RBFOX1: variants seen among roughly 807,000 people sequenced by gnomAD.
The protein encoded by RBFOX1 is RNA binding fox-1 homolog 1.
A neutral mutation model predicts 57.7 loss-of-function variants in RBFOX1; 8 were observed. The ratio of observed to expected loss-of-function variants is 0.14; its 90% CI spans 0.08 to 0.25. The LOEUF (loss-of-function observed/expected upper bound fraction) is 0.25. Among genes scored for constraint, RBFOX1 ranks in the 10% least tolerant of loss-of-function variants. The probability of loss-of-function intolerance (pLI) is 1.00; values close to 1 mark genes in which losing one functional copy is unlikely to be tolerated. For synonymous variants in RBFOX1, 326 were observed against 222.4 expected (o/e 1.47, Z -4.15); for missense variants, 611 against 548.5 (o/e 1.11, Z -1.14).
chr16:6,925,369 C>T (rs2075375354), intron 3 of RBFOX1, among the ~76,000 whole-genome samples: 1 of 151,684 alleles, frequency 6.6e-6, no homozygotes, highest in African/African-American at 2.4e-5. Flanking sequence ...AGGCGATCTA[C>T]CTGCCTTGGT....
intron 14 of RBFOX1, among the ~76,000 whole-genome samples, 175 bp from the exon 15 acceptor site, chr16:7,708,881 A>C (rs968556592): frequency 5.9e-5 from 9 of 152,194 alleles, no homozygotes; most frequent in Non-Finnish European, 1.2e-4. Context: ...AAATGCACAA[A>C]AAATGTATCA....
chr16:5,781,900 G>C (rs2054335078), intron 3 of RBFOX1, among the ~76,000 whole-genome samples: 1 of 152,200 alleles, frequency 6.6e-6, no homozygotes, highest in African/African-American at 2.4e-5. Flanking sequence ...CCTGAGACAG[G>C]GTAATTTATA....
At chr16:5,864,770 G>T (rs554433044) in intron 3 of RBFOX1, among the ~76,000 whole-genome samples, 1 of 152,094 alleles carries the variant, frequency 6.6e-6, no homozygotes, top group East Asian at 1.9e-4. Context: ...TTTTTGTTTG[G>T]CTAGAACCGT....
At chr16:7,497,035 A>T (rs112862972) in intron 4 of RBFOX1, among the ~76,000 whole-genome samples, 2,152 of 152,036 alleles carry the variant, frequency 0.014, 27 homozygotes, top group Non-Finnish European at 0.02. Context: ...GCCTCTCTCC[A>T]TGTCCCCACC....
chr16:6,286,694 G>C (rs536028737), intron 1 of RBFOX1, among the ~76,000 whole-genome samples: 2 of 152,242 alleles, frequency 1.3e-5, no homozygotes, highest in East Asian at 3.9e-4. Flanking sequence ...CACTGGACTG[G>C]AGAATGATCC....
chr16:6,666,361 C>T (rs1364303935), intron 3 of RBFOX1, among the ~76,000 whole-genome samples: 2 of 151,986 alleles, frequency 1.3e-5, no homozygotes, highest in Non-Finnish European at 2.9e-5. Flanking sequence ...TGATGAAACC[C>T]TTGTCTCTAC....
At chr16:6,963,016 C>T (rs1283838787) in intron 3 of RBFOX1, among the ~76,000 whole-genome samples, 1 of 152,156 alleles carries the variant, frequency 6.6e-6, no homozygotes. Flanking sequence ...AGAATCAGCT[C>T]TGTAAACCTT....
chr16:6,527,058 G>T (rs1307392209), intron 2 of RBFOX1, among the ~76,000 whole-genome samples: 2 of 151,916 alleles, frequency 1.3e-5, no homozygotes, highest in South Asian at 4.1e-4. Context: ...AAAAGAATTT[G>T]ACTATATTTT....
At chr16:6,670,672 C>G (rs1050377735) in intron 3 of RBFOX1, among the ~76,000 whole-genome samples, 1 of 152,084 alleles carries the variant, frequency 6.6e-6, no homozygotes, top group African/African-American at 2.4e-5. Flanking sequence ...AGAATACTAC[C>G]TTTTCCCATA....
At chr16:7,292,209 T>TATATCATATATCATATATC (rs1266670436) in intron 4 of RBFOX1, among the ~76,000 whole-genome samples, 2 of 105,018 alleles carry the variant, frequency 1.9e-5, no homozygotes, top group East Asian at 5.2e-4. Flanking sequence ...TTATATATCA[T>TATATCATATATCATATATC]ATATATGATA....
At chr16:7,708,797 G>C (rs968502784) in intron 14 of RBFOX1, among the ~76,000 whole-genome samples, 3 of 147,800 alleles carry the variant, frequency 2.0e-5, no homozygotes, top group African/African-American at 7.5e-5. Flanking sequence ...TATGGGGGGA[G>C]GCAGGGAAAA....
chr16:5,679,654 T>G (rs2151433447), intron 3 of RBFOX1, among the ~76,000 whole-genome samples: 1 of 152,290 alleles, frequency 6.6e-6, no homozygotes, highest in Non-Finnish European at 1.5e-5. Flanking sequence ...GACCATCAAT[T>G]CTCTTTCATG....
At chr16:6,764,299 G>A (rs751943229) in intron 3 of RBFOX1, among the ~76,000 whole-genome samples, 1 of 152,162 alleles carries the variant, frequency 6.6e-6, no homozygotes, top group African/African-American at 2.4e-5. Context: ...GTGCACAAAT[G>A]ATCAAGCTCA....
At chr16:6,673,755 T>A (rs1383344563) in intron 3 of RBFOX1, among the ~76,000 whole-genome samples, 4 of 152,166 alleles carry the variant, frequency 2.6e-5, no homozygotes, top group African/African-American at 9.7e-5. Context: ...AAATGTATCA[T>A]CTGTCATGGA....
intron 3 of RBFOX1, among the ~76,000 whole-genome samples, chr16:5,606,425 A>G (rs935416654): frequency 3.3e-5 from 5 of 151,964 alleles, no homozygotes; most frequent in Non-Finnish European, 5.9e-5. Flanking sequence ...GTTGCTCTCC[A>G]ACCACAAAAT....
chr16:6,910,967 G>A lies in RBFOX1; in HGVS notation c.-15-141090G>A, dbSNP rs958134451. 4.6e-5 allele frequency among the ~76,000 whole-genome samples: 7 copies of A among 152,206 alleles called. No individual in the cohort carries two copies. In the South Asian group the frequency reaches 1.2e-3, roughly 27 times the overall value. ...TGTAATCCCAGCACTTTGGGAGGCC[G>A]AGACAGGCGGATCACTTGAGGTCAG... On this transcript the variant is annotated intron_variant, in intron 3 of 15. Coordinates refer to ENST00000550418, the MANE Select transcript of RBFOX1 (RefSeq NM_018723.4).
intron 4 of RBFOX1, among the ~76,000 whole-genome samples, chr16:7,202,512 C>A (rs972079140): frequency 1.3e-5 from 2 of 152,146 alleles, no homozygotes; most frequent in African/African-American, 4.8e-5. Flanking sequence ...GAGCAGGGGT[C>A]CCCAGTCCCT....
At chr16:5,372,196 C>T (rs573175252) in intron 1 of RBFOX1, among the ~76,000 whole-genome samples, 16 of 152,252 alleles carry the variant, frequency 1.1e-4, no homozygotes, top group African/African-American at 3.4e-4. Context: ...CGGGAGGCAG[C>T]CAAGGCCAGC....
intron 3 of RBFOX1, among the ~76,000 whole-genome samples, chr16:5,648,098 G>A (rs1465730955): frequency 6.6e-6 from 1 of 152,176 alleles, no homozygotes; most frequent in African/African-American, 2.4e-5. Flanking sequence ...TACTTCAAGT[G>A]ATCAGCCTGC....
Sources: gnomAD v4.1 joint callset for allele counts (sites outside exome capture counted in the v4.1 genomes callset) on GRCh38, gnomAD v4.1.1 for gene constraint, MANE v1.5 for transcripts, NCBI Gene and HGNC (gene_info 2026-07-23, HGNC 2026-07-21) for gene names.